Variants in CALN1 observed in about 807,000 individuals in gnomAD.
CALN1 encodes the protein calcium-binding protein 8.
In CALN1, 17 loss-of-function variants were observed where a neutral mutation model predicts 30.6. That is an observed-to-expected ratio of 0.56 (90% CI 0.38 to 0.83). The LOEUF is 0.83. CALN1 is among the 40% of genes least tolerant of loss of function. The probability of loss-of-function intolerance (pLI) is 0.00; values close to 1 mark genes in which losing one functional copy is unlikely to be tolerated. For synonymous variants in CALN1, 156 were observed against 131.4 expected, an observed-to-expected ratio of 1.19 and a Z score of -1.28; for missense variants, 291 against 354.9, an observed-to-expected ratio of 0.82 and a Z score of 1.45.
chr7:72,267,888 C>G (rs1796698390), intron 3 of CALN1, among the ~76,000 whole-genome samples: 1 of 152,082 alleles, frequency 6.6e-6, no homozygotes, highest in Non-Finnish European at 1.5e-5. Context: ...GCACTTGTAG[C>G]CTCAGCTACT....
At chr7:71,983,564 G>C (rs1422141581) in intron 5 of CALN1, among the ~76,000 whole-genome samples, 1 of 151,720 alleles carries the variant, frequency 6.6e-6, no homozygotes, top group Non-Finnish European at 1.5e-5. Context: ...GGAATTTTGC[G>C]AGTGTTGCCG....
At chr7:71,819,857 T>C (rs1028012742) in intron 5 of CALN1, among the ~76,000 whole-genome samples, 1 of 152,194 alleles carries the variant, frequency 6.6e-6, no homozygotes, top group African/African-American at 2.4e-5. Context: ...TGGACCATTT[T>C]CTGTAAACCC....
intron 2 of CALN1, among the ~76,000 whole-genome samples, chr7:72,306,883 T>TACCTGA (rs1799692170): frequency 1.3e-5 from 2 of 152,172 alleles, no homozygotes; most frequent in Admixed American, 6.6e-5. Context: ...TGGCTCAGAA[T>TACCTGA]AAATCTTTTC....
the CALN1 span, among the ~76,000 whole-genome samples, chr7:72,489,259 A>T: frequency 5.9e-5 from 9 of 152,240 alleles, no homozygotes; most frequent in African/African-American, 1.9e-4. Flanking sequence ...GACCAAAAAG[A>T]ATCACGATAG....
At chr7:72,005,880 T>C (rs1269879008) in intron 5 of CALN1, among the ~76,000 whole-genome samples, 2 of 151,778 alleles carry the variant, frequency 1.3e-5, no homozygotes, top group Non-Finnish European at 2.9e-5. Context: ...ATTGTGGTGG[T>C]AGACACAGAA....
intron 3 of CALN1, among the ~76,000 whole-genome samples, chr7:72,272,236 CT>C (rs1797044215): frequency 6.6e-6 from 1 of 151,974 alleles, no homozygotes; most frequent in African/African-American, 2.4e-5. Flanking sequence ...AAAATACCCC[CT>C]ATGATATACA....
At chr7:72,264,023 T>C (rs1286733550) in intron 3 of CALN1, among the ~76,000 whole-genome samples, 1 of 152,192 alleles carries the variant, frequency 6.6e-6, no homozygotes, top group Non-Finnish European at 1.5e-5. Flanking sequence ...ACTGAGCTCC[T>C]GCACGCGGCC....
chr7:71,874,435 G>C (rs980303215), intron 5 of CALN1, among the ~76,000 whole-genome samples: 1 of 152,078 alleles, frequency 6.6e-6, no homozygotes, highest in African/African-American at 2.4e-5. Flanking sequence ...ATGCAATAAA[G>C]AAGGTCATTT....
intron 5 of CALN1, among the ~76,000 whole-genome samples, chr7:71,996,202 A>T (rs768024513): frequency 1.3e-5 from 2 of 152,232 alleles, no homozygotes. Context: ...ATAACTGCCT[A>T]CTAAAAGAAA....
intron 2 of CALN1, among the ~76,000 whole-genome samples, chr7:72,387,288 G>A (rs1196638874): frequency 1.7e-4 from 18 of 106,382 alleles, no homozygotes; most frequent in Non-Finnish European, 2.0e-4. Context: ...GAGGGAGGGA[G>A]GGAGGGAGGG....
intron 3 of CALN1, among the ~76,000 whole-genome samples, chr7:72,209,126 C>T (rs1394275511): frequency 7.1e-6 from 1 of 140,180 alleles, no homozygotes; most frequent in African/African-American, 2.7e-5. Flanking sequence ...TTACTCCTTC[C>T]TTCTCTCCCT....
At chr7:72,119,360 C>T (rs919303936) in intron 3 of CALN1, among the ~76,000 whole-genome samples, 1 of 151,940 alleles carries the variant, frequency 6.6e-6, no homozygotes, top group African/African-American at 2.4e-5. Context: ...TCTCATGAGG[C>T]ATATTAACTA....
chr7:71,899,967 C>T (rs1332215636), intron 5 of CALN1, among the ~76,000 whole-genome samples: 1 of 152,136 alleles, frequency 6.6e-6, no homozygotes, highest in Non-Finnish European at 1.5e-5. Context: ...CTATTTAACT[C>T]ATCACTATAA....
At chr7:72,176,777 C>T (rs1486168258) in intron 3 of CALN1, among the ~76,000 whole-genome samples, 1 of 152,158 alleles carries the variant, frequency 6.6e-6, no homozygotes, top group Non-Finnish European at 1.5e-5. Context: ...CTTTCCCAGA[C>T]AATTTTCTCT....
intron 3 of CALN1, among the ~76,000 whole-genome samples, chr7:72,159,795 T>G (rs1787971007): frequency 6.6e-6 from 1 of 152,052 alleles, no homozygotes; most frequent in Non-Finnish European, 1.5e-5. Flanking sequence ...GAGACTTCAT[T>G]TAAAAAATAA....
chr7:72,199,344 C>T (rs1179891817), intron 3 of CALN1, among the ~76,000 whole-genome samples: 1 of 152,190 alleles, frequency 6.6e-6, no homozygotes, highest in Non-Finnish European at 1.5e-5. Context: ...CCATGAAAGG[C>T]TACAATCCAA....
intron 2 of CALN1, among the ~76,000 whole-genome samples, chr7:72,362,156 A>C (rs1803612099): frequency 1.3e-5 from 2 of 152,208 alleles, no homozygotes; most frequent in African/African-American, 4.8e-5. Context: ...TTGAGGTCCA[A>C]ATGAATAAAA....
chr7:72,285,214 T>G (rs1278700098), intron 2 of CALN1, among the ~76,000 whole-genome samples: 1 of 152,168 alleles, frequency 6.6e-6, no homozygotes, highest in Non-Finnish European at 1.5e-5. Context: ...TCTTTTATTT[T>G]TCCTGGTAAT....
chr7:71,847,092 G>T (rs1035961500), intron 5 of CALN1, among the ~76,000 whole-genome samples: 2 of 151,742 alleles, frequency 1.3e-5, no homozygotes, highest in Admixed American at 6.6e-5. Flanking sequence ...TGTAGTTCCA[G>T]CCCAAAGGGT....
Sources: gnomAD v4.1 joint callset for allele counts (sites outside exome capture counted in the v4.1 genomes callset) on GRCh38, gnomAD v4.1.1 for gene constraint, MANE v1.5 for transcripts, NCBI Gene and HGNC (gene_info 2026-07-23, HGNC 2026-07-21) for gene names.